Variants in PCDHGA1 observed in about 807,000 individuals in gnomAD.
PCDHGA1 encodes the protein protocadherin gamma-A1.
A neutral mutation model predicts 58.0 loss-of-function variants in PCDHGA1; 32 were observed. The ratio of observed to expected loss-of-function variants is 0.55; its 90% confidence interval spans 0.42 to 0.74. The LOEUF is 0.74. Ranked by LOEUF, PCDHGA1 falls within the 30% of genes least tolerant of loss-of-function variation. PCDHGA1 has a pLI of 0.00. For synonymous variants in PCDHGA1, 498 were observed against 501.1 expected, an observed-to-expected ratio of 0.99 and a Z score of 0.08; for missense variants, 1,205 against 1,182.3, an observed-to-expected ratio of 1.02 and a Z score of -0.28.
At chr5:141,361,729 C>A in intron 1 of PCDHGA1, 1 of 1,613,256 alleles carries the variant, frequency 6.2e-7, no homozygotes, top group East Asian at 2.2e-5. Flanking sequence ...CGAGCTCACA[C>A]TGCAGGCCCG....
chr5:141,426,523 G>A (rs1018320941), intron 1 of PCDHGA1: 14 of 342,474 alleles, frequency 4.1e-5, no homozygotes, highest in African/African-American at 3.0e-4. Flanking sequence ...CGTGAACACG[G>A]AGAATGGGAA....
At chr5:141,427,840 A>C (rs779622800) in intron 1 of PCDHGA1, 8 of 1,548,180 alleles carry the variant, frequency 5.2e-6, no homozygotes, top group Admixed American at 3.3e-5. Flanking sequence ...CGTGCCTTCG[A>C]CCACGAGCAG....
chr5:141,383,695 G>T (rs373055594), intron 1 of PCDHGA1: 1 of 1,613,974 alleles, frequency 6.2e-7, no homozygotes, highest in Non-Finnish European at 8.5e-7. Context: ...CACGGTACAT[G>T]CTATCGACCT....
At position 141,432,759 on chromosome 5, in the gene PCDHGA1, G is replaced by T. The variant is rs768949018; in HGVS notation, c.2422-62048G>T. On this transcript the variant is annotated intron_variant, in intron 1 of 3. Transcript: ENST00000517417. The surrounding 1 kb of genome is among the most constrained non-coding windows in gnomAD (Gnocchi z 6.0). ...ACGCTCACCGTGGCCGTGGCCGACA[G>T]CATCCCCCAAGTCCTGGCGGACCTC... is the stretch of plus-strand genomic sequence containing the variant. The T allele has an allele frequency of 6.2e-6, 10 of 1,614,032 alleles. No homozygotes were observed. The highest frequency in any genetic ancestry group is 7.6e-6 in the Non-Finnish European group (9 of 1,180,014).
At chr5:141,410,513 G>C in intron 1 of PCDHGA1, 1 of 1,613,954 alleles carries the variant, frequency 6.2e-7, no homozygotes, top group Non-Finnish European at 8.5e-7. Context: ...AAAATGCAGT[G>C]TGCCCCTACA....
chr5:141,485,682 A>G lies in PCDHGA1; in HGVS notation c.2422-9125A>G, dbSNP rs779441999. Reference sequence around the variant, plus strand: ...GTGGGGAGCAATTCGATTAGCAGCTATAGGCTGAGCTCCAATGAACACTTT... The same window carrying G: ...GTGGGGAGCAATTCGATTAGCAGCTGTAGGCTGAGCTCCAATGAACACTTT... On this transcript the variant is annotated intron_variant, in intron 1 of 3. Coordinates refer to ENST00000517417, the MANE Select transcript of PCDHGA1 (RefSeq NM_018912.3). This position sits in a 1 kb window ranked among gnomAD's most constrained non-coding sequence, Gnocchi z 5.7. 6.2e-7 allele frequency: 1 copy of G among 1,614,076 alleles called. No homozygotes were observed. Among genetic ancestry groups the G allele is most frequent in the Non-Finnish European group, 8.5e-7 (1 of 1,179,964 alleles).
In PCDHGA1 at chr5:141,489,120, G is replaced by C; in HGVS notation, c.2422-5687G>C. The C allele has an allele frequency of 1.1e-5, 5 of 445,662 alleles. No homozygotes were observed. Among genetic ancestry groups the C allele is most frequent in the East Asian group, 3.8e-5 (1 of 26,010 alleles). The allele number at this position is 445,662 out of a possible 1,614,324, so 27.6% of individuals were successfully genotyped here. ...AACTGCTGCAAGCAGGCAAACCTCC[G>C]AGCAGTTTTTAAGAGGCTGGAAGGA... On this transcript the variant is annotated intron_variant, in intron 1 of 3. Transcript: ENST00000517417. This position sits in a 1 kb window ranked among gnomAD's most constrained non-coding sequence, Gnocchi z 4.5.
At position 141,431,790 on chromosome 5, in the gene PCDHGA1, C is replaced by G; in HGVS notation, c.2422-63017C>G. ...ACTGTTCTGGACGTGAACGACAATG[C>G]CCCAGAAGTGGTCCTCACCTCTCTC... On this transcript the variant is annotated intron_variant, in intron 1 of 3. Coordinates refer to ENST00000517417, the MANE Select transcript of PCDHGA1 (RefSeq NM_018912.3). The surrounding 1 kb of genome is among the most constrained non-coding windows in gnomAD (Gnocchi z 4.8). 1 of 1,614,186 alleles carries G rather than the reference C, an allele frequency of 6.2e-7. No homozygotes were observed. Among genetic ancestry groups the G allele is most frequent in the Non-Finnish European group, 8.5e-7 (1 of 1,180,016 alleles).
At chr5:141,415,151 C>G in intron 1 of PCDHGA1, 2 of 1,613,814 alleles carry the variant, frequency 1.2e-6, no homozygotes, top group Non-Finnish European at 1.7e-6. Flanking sequence ...CCCCCTCTCT[C>G]CGCCACTGTC....
Position 141,511,590 on chromosome 5 carries a change from A to C in PCDHGA1, c.*417A>C, listed in dbSNP as rs2099883868. On this transcript the variant is annotated 3_prime_UTR_variant, in exon 4 of 4. Transcript: ENST00000517417. ...AGTAAGGTGGTTGGGGTGTTGAAGT[A>C]CCAAGTAACCTACAAGCCTCCTAGT... The C allele has an allele frequency of 3.7e-6, 1 of 267,790 alleles. No homozygotes were observed. Among genetic ancestry groups the C allele is most frequent in the Admixed American group, 4.8e-5 (1 of 20,946 alleles). The allele number at this position is 267,790 out of a possible 1,614,324, so 16.6% of individuals were successfully genotyped here.
chr5:141,413,043 C>A, intron 1 of PCDHGA1: 1 of 864,340 alleles, frequency 1.2e-6, no homozygotes, highest in Non-Finnish European at 1.7e-6. Flanking sequence ...TGCTGGGCTG[C>A]AGGGAAGCTC....
intron 1 of PCDHGA1, chr5:141,350,982 A>G (rs562278000): frequency 2.2e-5 from 36 of 1,614,086 alleles, no homozygotes; most frequent in Non-Finnish European, 3.0e-5. Flanking sequence ...GTGTTTAGCC[A>G]GGAGGTATAC....
intron 1 of PCDHGA1, among the ~76,000 whole-genome samples, chr5:141,463,224 G>C (rs1039535501): frequency 6.6e-6 from 1 of 151,958 alleles, no homozygotes; most frequent in Non-Finnish European, 1.5e-5. Context: ...AATATTCCTG[G>C]AGTTCTTTGT....
intron 1 of PCDHGA1, among the ~76,000 whole-genome samples, chr5:141,363,346 G>C (rs1762883657): frequency 6.6e-6 from 1 of 152,068 alleles, no homozygotes; most frequent in African/African-American, 2.4e-5. Flanking sequence ...ATGACTTTCT[G>C]AAATGTCCAT....
intron 1 of PCDHGA1, chr5:141,385,519 T>C (rs1781250310): frequency 2.9e-6 from 4 of 1,366,410 alleles, no homozygotes; most frequent in Admixed American, 3.4e-5. Flanking sequence ...TGAAAGCCTA[T>C]GGACAAGATT....
At chr5:141,410,526 C>T in intron 1 of PCDHGA1, 4 of 1,613,920 alleles carry the variant, frequency 2.5e-6, no homozygotes, top group Non-Finnish European at 3.4e-6. Context: ...CCCCTACATT[C>T]CAATGAAGAC....
intron 2 of PCDHGA1, among the ~76,000 whole-genome samples, chr5:141,502,956 G>A (rs986743949): frequency 1.3e-5 from 2 of 148,846 alleles, no homozygotes; most frequent in African/African-American, 5.0e-5. Context: ...CGATTCTCCT[G>A]CCTCAGCCTC....
chr5:141,339,064 T>G, intron 1 of PCDHGA1: 1 of 1,613,238 alleles, frequency 6.2e-7, no homozygotes, highest in South Asian at 1.1e-5. Flanking sequence ...CCGGGCAGAT[T>G]CGCTATTCTG....
Position 141,491,383 on chromosome 5 carries a change from A to C in PCDHGA1, c.2422-3424A>C. The C allele has an allele frequency of 6.2e-7, 1 of 1,614,036 alleles. No individual in the cohort carries two copies. The highest frequency in any genetic ancestry group is 8.5e-7 in the Non-Finnish European group (1 of 1,179,962). ...AGTCACCTTCACCTTTCTGTCAGCG[A>C]AGTGCCTTCAGGGAAACGCAGACGG... On this transcript the variant is annotated intron_variant, in intron 1 of 3. Transcript: ENST00000517417. This position sits in a 1 kb window ranked among gnomAD's most constrained non-coding sequence, Gnocchi z 6.9.
Sources: allele counts gnomAD v4.1 joint callset (sites outside exome capture counted in the v4.1 genomes callset), GRCh38; gene constraint gnomAD v4.1.1; non-coding constraint Gnocchi (gnomAD v3.1); transcripts MANE v1.5; gene names NCBI Gene and HGNC (gene_info 2026-07-23, HGNC 2026-07-21).